P4HA1: variants seen among roughly 807,000 people sequenced by gnomAD.
P4HA1 encodes prolyl 4-hydroxylase subunit alpha 1, also known as prolyl 4-hydroxylase subunit alpha-1.
A neutral mutation model predicts 72.8 loss-of-function variants in P4HA1; 24 were observed. That is an observed-to-expected ratio of 0.33 (90% CI 0.24 to 0.46). The LOEUF is 0.46. Among genes scored for constraint, P4HA1 ranks in the 20% least tolerant of loss-of-function variants. The pLI is 1.00. For synonymous variants in P4HA1, 201 were observed against 218.8 expected (o/e 0.92, Z 0.72); for missense variants, 446 against 640.6 (o/e 0.70, Z 3.28).
At chr10:73,017,120 T>C (rs1840022453) in intron 10 of P4HA1, among the ~76,000 whole-genome samples, 2 of 150,622 alleles carry the variant, frequency 1.3e-5, no homozygotes. Context: ...CAGATGTATA[T>C]ATAGATATCT....
At chr10:73,012,693 G>C (rs1839932181) in intron 12 of P4HA1, among the ~76,000 whole-genome samples, 2 of 152,112 alleles carry the variant, frequency 1.3e-5, no homozygotes, top group Non-Finnish European at 2.9e-5. Flanking sequence ...TAGGGAGTGA[G>C]ATACTACAGA....
At chr10:73,045,324 C>T (rs1210230238) in intron 8 of P4HA1, among the ~76,000 whole-genome samples, 1 of 150,600 alleles carries the variant, frequency 6.6e-6, no homozygotes, top group Non-Finnish European at 1.5e-5. Flanking sequence ...GGTGAAAGGA[C>T]ATGACAGTAA....
At chr10:73,096,457 G>A (rs11597837) in intron 1 of P4HA1, among the ~76,000 whole-genome samples, 25 of 152,216 alleles carry the variant, frequency 1.6e-4, no homozygotes, top group South Asian at 4.1e-4. Context: ...TCCTCCCCGG[G>A]AAGGAAAATT....
intron 5 of P4HA1, among the ~76,000 whole-genome samples, chr10:73,066,356 A>T (rs1244291400): frequency 6.6e-6 from 1 of 152,188 alleles, no homozygotes; most frequent in African/African-American, 2.4e-5. Flanking sequence ...AAGAATGAAT[A>T]TTGCCCCTAA....
intron 1 of P4HA1, among the ~76,000 whole-genome samples, chr10:73,079,536 G>A (rs1341792460): frequency 6.6e-6 from 1 of 152,184 alleles, no homozygotes; most frequent in African/African-American, 2.4e-5. Context: ...GAGGTGAGGA[G>A]TTCGAAACCA....
At chr10:73,019,299 G>A (rs745993822) in intron 10 of P4HA1, among the ~76,000 whole-genome samples, 2 of 152,000 alleles carry the variant, frequency 1.3e-5, no homozygotes, top group Admixed American at 6.6e-5. Context: ...CAACAGAAGC[G>A]GAAAGTTTAA....
chr10:73,036,229 G>A (rs1840572898), intron 9 of P4HA1, among the ~76,000 whole-genome samples: 1 of 151,086 alleles, frequency 6.6e-6, no homozygotes, highest in African/African-American at 2.4e-5. Flanking sequence ...TTGAGGCTTA[G>A]CAGTTAAAAC....
At chr10:73,011,715 T>C (rs1432635648) in intron 12 of P4HA1, among the ~76,000 whole-genome samples, 1 of 152,068 alleles carries the variant, frequency 6.6e-6, no homozygotes, top group East Asian at 1.9e-4. Context: ...AAGTAGAATG[T>C]ATAGACTGAT....
intron 10 of P4HA1, among the ~76,000 whole-genome samples, chr10:73,028,897 T>C (rs908984552): frequency 1.4e-5 from 2 of 143,478 alleles, no homozygotes; most frequent in Non-Finnish European, 3.1e-5. Context: ...ATACAAAAAT[T>C]AGCTAGCCGT....
chr10:73,056,154 G>T (rs1051194085), intron 5 of P4HA1, among the ~76,000 whole-genome samples: 1 of 152,108 alleles, frequency 6.6e-6, no homozygotes, highest in Non-Finnish European at 1.5e-5. Flanking sequence ...GGACCTTCCT[G>T]TATAAAAGAT....
At chr10:73,044,137 A>C (rs190376869) in intron 9 of P4HA1, among the ~76,000 whole-genome samples, 4 of 152,328 alleles carry the variant, frequency 2.6e-5, no homozygotes, top group Admixed American at 1.3e-4. Flanking sequence ...AGCCACTTCC[A>C]AATCAAGAGA....
At chr10:73,075,236 T>C (rs566792225) in intron 1 of P4HA1, among the ~76,000 whole-genome samples, 53 of 152,156 alleles carry the variant, frequency 3.5e-4, no homozygotes, top group African/African-American at 1.2e-3. Context: ...GCCTCCTAAG[T>C]AGTTGGGACC....
chr10:73,036,716 T>C (rs991344179), intron 9 of P4HA1, among the ~76,000 whole-genome samples: 2 of 152,116 alleles, frequency 1.3e-5, no homozygotes, highest in Non-Finnish European at 2.9e-5. Flanking sequence ...ATTAAGACTT[T>C]CCTTAGTTTA....
intron 1 of P4HA1, among the ~76,000 whole-genome samples, chr10:73,083,783 T>C (rs1224309895): frequency 6.6e-6 from 1 of 152,132 alleles, no homozygotes; most frequent in African/African-American, 2.4e-5. Context: ...GAGTGGAACT[T>C]GGTCTCAAAA....
chr10:73,045,494 A>G (rs920027754), intron 8 of P4HA1, among the ~76,000 whole-genome samples: 1 of 152,094 alleles, frequency 6.6e-6, no homozygotes, highest in African/African-American at 2.4e-5. Context: ...AACTGTTTGC[A>G]CAGGTTAATG....
chr10:73,010,158 G>T (rs1839884244), intron 13 of P4HA1, among the ~76,000 whole-genome samples: 1 of 151,938 alleles, frequency 6.6e-6, no homozygotes, highest in Non-Finnish European at 1.5e-5. Flanking sequence ...AGTAGAGACG[G>T]GCTTTCACCA....
At chr10:73,040,912 GA>G (rs1214525014) in intron 9 of P4HA1, among the ~76,000 whole-genome samples, 3 of 152,036 alleles carry the variant, frequency 2.0e-5, no homozygotes, top group Non-Finnish European at 4.4e-5. Context: ...TTTTTTTAAA[GA>G]AGGGGTTTTT....
chr10:73,039,839 G>A (rs1406887602), intron 9 of P4HA1, among the ~76,000 whole-genome samples: 1 of 149,526 alleles, frequency 6.7e-6, no homozygotes, highest in Non-Finnish European at 1.5e-5. Context: ...TCTTCCATTT[G>A]GCAACTGAGA....
intron 1 of P4HA1, among the ~76,000 whole-genome samples, chr10:73,092,581 C>T (rs1842059268): frequency 6.7e-6 from 1 of 150,170 alleles, no homozygotes; most frequent in South Asian, 2.1e-4. Flanking sequence ...TGGTCTTGAA[C>T]TCCTGGCCTC....
Sources: gnomAD v4.1 joint callset for allele counts (sites outside exome capture counted in the v4.1 genomes callset) on GRCh38, gnomAD v4.1.1 for gene constraint, MANE v1.5 for transcripts, NCBI Gene and HGNC (gene_info 2026-07-23, HGNC 2026-07-21) for gene names.